OSBP2: variants seen among roughly 807,000 people sequenced by gnomAD.
The protein encoded by OSBP2 is oxysterol-binding protein 2.
A neutral mutation model predicts 96.0 loss-of-function variants in OSBP2; 66 were observed. That is an observed-to-expected ratio of 0.69 (90% CI 0.56 to 0.84). The LOEUF (loss-of-function observed/expected upper bound fraction) is 0.84. Among genes scored for constraint, OSBP2 ranks in the 40% least tolerant of loss-of-function variants. OSBP2 has a pLI of 0.00. For synonymous variants in OSBP2, 525 were observed against 520.9 expected (o/e 1.01, Z -0.11); for missense variants, 1,038 against 1,222.7 (o/e 0.85, Z 2.25).
rs1489746309 is a variant in OSBP2 at position 30,906,697 on chromosome 22, GCCTCTT to G, written c.*360_*365del. On this transcript the variant is annotated 3_prime_UTR_variant, in exon 14 of 14. Transcript: ENST00000332585. ...GGGAGGAACTGGCCCCTCCTAGGGA[GCCTCTT>G]CGACTTTTTTAGAAAAATGATCTCC... 4.7e-6 allele frequency: 1 copy of G among 212,588 alleles called. No individual in the cohort carries two copies. Among genetic ancestry groups the G allele is most frequent in the Non-Finnish European group, 9.3e-6 (1 of 107,840 alleles). The allele number at this position is 212,588 out of a possible 1,614,324, so 13.2% of individuals were successfully genotyped here. A position where few individuals can be genotyped will look rare whatever the true frequency, so the allele number is the denominator to read the frequency against.
intron 2 of OSBP2, among the ~76,000 whole-genome samples, chr22:30,836,951 C>T (rs879401520): frequency 6.6e-6 from 1 of 152,080 alleles, no homozygotes; most frequent in African/African-American, 2.4e-5. Context: ...GATTAAAGAA[C>T]CAATTTAACA....
At chr22:30,785,005 C>G (rs1193485064) in intron 2 of OSBP2, among the ~76,000 whole-genome samples, 1 of 152,090 alleles carries the variant, frequency 6.6e-6, no homozygotes, top group South Asian at 2.1e-4. Context: ...AACTCCTGAC[C>G]TCAGGTTATC....
intron 1 of OSBP2, among the ~76,000 whole-genome samples, chr22:30,712,300 C>T (rs1402180805): frequency 6.6e-6 from 1 of 152,178 alleles, no homozygotes; most frequent in Non-Finnish European, 1.5e-5. Context: ...TAGAGCAGTA[C>T]ATCAGCTGGG....
intron 3 of OSBP2, among the ~76,000 whole-genome samples, chr22:30,886,456 C>A (rs2039812160): frequency 6.6e-6 from 1 of 152,150 alleles, no homozygotes; most frequent in Non-Finnish European, 1.5e-5. Context: ...CCTAATCAGA[C>A]CTTTAAAAAG....
chr22:30,849,390 C>T (rs1024220574), intron 2 of OSBP2, among the ~76,000 whole-genome samples: 2 of 152,134 alleles, frequency 1.3e-5, no homozygotes, highest in African/African-American at 2.4e-5. Flanking sequence ...TCAGTTGTCC[C>T]GCATCCTGCC....
At chr22:30,766,479 C>G (rs2090270887) in intron 2 of OSBP2, among the ~76,000 whole-genome samples, 2 of 152,144 alleles carry the variant, frequency 1.3e-5, no homozygotes, top group Non-Finnish European at 2.9e-5. Flanking sequence ...TGTCGTCTTG[C>G]CTCTGTGCTC....
intron 2 of OSBP2, among the ~76,000 whole-genome samples, chr22:30,772,933 C>T (rs369425437): frequency 4.6e-5 from 7 of 151,324 alleles, no homozygotes; most frequent in African/African-American, 1.5e-4. Context: ...GCTGGGATTA[C>T]AGGCCGCCTG....
intron 1 of OSBP2, among the ~76,000 whole-genome samples, chr22:30,730,774 C>CTCTCTCTCTCTCTATATA (rs1569100458): frequency 1.4e-4 from 2 of 13,844 alleles, no homozygotes; most frequent in African/African-American, 2.9e-4. Flanking sequence ...CTCTCTCTCT[C>CTCTCTCTCTCTCTATATA]TATATATATA....
intron 2 of OSBP2, among the ~76,000 whole-genome samples, chr22:30,815,188 T>A (rs1161139417): frequency 6.6e-6 from 1 of 152,086 alleles, no homozygotes; most frequent in East Asian, 1.9e-4. Flanking sequence ...GAGGCTGAGG[T>A]GGGAGGACGG....
At chr22:30,706,572 G>A (rs530848325) in intron 1 of OSBP2, among the ~76,000 whole-genome samples, 3 of 152,296 alleles carry the variant, frequency 2.0e-5, no homozygotes, top group Admixed American at 2.0e-4. Context: ...AGCAGCAGGA[G>A]GTGCCGCCTT....
intron 3 of OSBP2, among the ~76,000 whole-genome samples, chr22:30,877,648 G>A (rs1317557750): frequency 6.6e-6 from 1 of 152,210 alleles, no homozygotes; most frequent in Non-Finnish European, 1.5e-5. Context: ...GCTCTCCCCT[G>A]CAGTCCTGAG....
intron 3 of OSBP2, among the ~76,000 whole-genome samples, chr22:30,876,942 TC>T (rs2147124722): frequency 6.6e-6 from 1 of 152,002 alleles, no homozygotes; most frequent in African/African-American, 2.4e-5. Context: ...CAGGAACACC[TC>T]CCCTGTCTAC....
chr22:30,719,753 C>CA (rs573348303), intron 1 of OSBP2, among the ~76,000 whole-genome samples: 51 of 107,746 alleles, frequency 4.7e-4, no homozygotes, highest in African/African-American at 9.8e-4. Flanking sequence ...GACTCTGTCT[C>CA]AAAAAAAAAA....
In OSBP2 at chr22:30,695,110, A is replaced by G. The variant is rs1271182346; in HGVS notation, c.201A>G (p.Glu67=). 1 of 1,590,038 alleles carries G rather than the reference A, an allele frequency of 6.3e-7. No individual in the cohort carries two copies. The change falls in exon 1 of 14, where the codon GAA becomes GAG. Residue 67 remains glutamate, a synonymous_variant. Coordinates refer to ENST00000332585, the MANE Select transcript of OSBP2 (RefSeq NM_030758.4). ...VPEPERGPLS[E]QVSEAVSEAV... ...AACCGGAGCGGGGACCGCTGTCAGAACAGGTGTCGGAGGCAGTTTCGGAGG... is the reference window on the plus strand; with the variant it reads ...AACCGGAGCGGGGACCGCTGTCAGAGCAGGTGTCGGAGGCAGTTTCGGAGG...
chr22:30,868,658 C>T (rs1290261317), intron 2 of OSBP2, among the ~76,000 whole-genome samples: 1 of 152,206 alleles, frequency 6.6e-6, no homozygotes, highest in Non-Finnish European at 1.5e-5. Flanking sequence ...TTGGGGGCTG[C>T]AGTTGTGATG....
intron 2 of OSBP2, among the ~76,000 whole-genome samples, chr22:30,755,102 C>T (rs2090124988): frequency 6.6e-6 from 1 of 152,216 alleles, no homozygotes; most frequent in African/African-American, 2.4e-5. Flanking sequence ...GATCAGCTCA[C>T]TTGTGTCCCC....
chr22:30,751,697 C>T (rs2090075741), intron 2 of OSBP2, among the ~76,000 whole-genome samples: 1 of 152,114 alleles, frequency 6.6e-6, no homozygotes, highest in Admixed American at 6.6e-5. Context: ...TCGTTGACAC[C>T]CAGCACTCAT....
At chr22:30,777,796 C>T (rs1175145680) in intron 2 of OSBP2, among the ~76,000 whole-genome samples, 1 of 152,030 alleles carries the variant, frequency 6.6e-6, no homozygotes, top group African/African-American at 2.4e-5. Flanking sequence ...ACAGAAAGCC[C>T]TATTAGTGAA....
intron 2 of OSBP2, among the ~76,000 whole-genome samples, chr22:30,783,103 T>C: frequency 7.7e-6 from 1 of 130,516 alleles, no homozygotes; most frequent in East Asian, 2.5e-4. Flanking sequence ...AAAAGGCAAA[T>C]TATTGTGTAT....
Sources: gnomAD v4.1 joint callset for allele counts (sites outside exome capture counted in the v4.1 genomes callset) on GRCh38, gnomAD v4.1.1 for gene constraint, MANE v1.5 for transcripts, NCBI Gene and HGNC (gene_info 2026-07-23, HGNC 2026-07-21) for gene names.